The following CLEC16A variants were observed in gnomAD, a reference collection of about 807,000 sequenced individuals.
CLEC16A encodes C-type lectin domain containing 16A, also known as protein CLEC16A.
CLEC16A carries 51 observed loss-of-function variants against 109.5 expected under a neutral mutation model. The ratio of observed to expected loss-of-function variants is 0.47; its 90% CI spans 0.37 to 0.59. The LOEUF (loss-of-function observed/expected upper bound fraction) is 0.59, where lower values mean the gene tolerates loss of function less well. Among genes scored for constraint, CLEC16A ranks in the 20% least tolerant of loss-of-function variants. The pLI, the probability that CLEC16A is intolerant of heterozygous loss-of-function variation, is 0.00. For missense variants in CLEC16A, 1,339 were observed against 1,394.0 expected (o/e 0.96, Z 0.63); for synonymous variants, 673 against 564.2 (o/e 1.19, Z -2.73).
chr16:10,996,696 G>A (rs2044350068), intron 10 of CLEC16A, among the ~76,000 whole-genome samples: 1 of 152,068 alleles, frequency 6.6e-6, no homozygotes, highest in African/African-American at 2.4e-5. Flanking sequence ...TGGGCCATGT[G>A]GCAATAAATG....
In CLEC16A at chr16:11,180,351, G is replaced by C. The variant is rs201098291; in HGVS notation, c.*1661G>C. The C allele has an allele frequency of 3.9e-5, 6 of 152,310 alleles. 1 individual carries two copies. The East Asian group carries it at 1.2e-3, about 29-fold the overall frequency. 9.4% of individuals were successfully genotyped at this position (152,310 alleles called of 1,614,324 possible). On this transcript the variant is annotated 3_prime_UTR_variant, in exon 24 of 24. Coordinates refer to ENST00000409790, the MANE Select transcript of CLEC16A (RefSeq NM_015226.3). ...TGCCCACCCAGCCTTCATGGCTGCAGGTACAAGGACCTTTGCTTCCATAGA... is the reference window on the plus strand; with the variant it reads ...TGCCCACCCAGCCTTCATGGCTGCACGTACAAGGACCTTTGCTTCCATAGA...
intron 11 of CLEC16A, among the ~76,000 whole-genome samples, chr16:11,012,969 A>G (rs1218059308): frequency 6.6e-6 from 1 of 152,056 alleles, no homozygotes; most frequent in African/African-American, 2.4e-5. Flanking sequence ...GCCAGGTGGG[A>G]GCCAACTCTG....
intron 21 of CLEC16A, among the ~76,000 whole-genome samples, chr16:11,124,588 A>T (rs140333022): frequency 6.6e-6 from 1 of 152,244 alleles, no homozygotes; most frequent in Non-Finnish European, 1.5e-5. Flanking sequence ...AGTCACAGAA[A>T]TGAGGGAGAT....
Position 10,973,120 on chromosome 16 carries a change from G to C in CLEC16A, c.728+59G>C. ...GACAGGGTGGTTAGGGGAGAATTCTGTTTTCATCAAGGAAAAATAAACACA... is the reference window on the plus strand; with the variant it reads ...GACAGGGTGGTTAGGGGAGAATTCTCTTTTCATCAAGGAAAAATAAACACA... On this transcript the variant is annotated intron_variant, in intron 7 of 23. Transcript: ENST00000409790. The C allele has an allele frequency of 2.0e-6, 3 of 1,525,584 alleles. 1 individual carries two copies. 94.5% of individuals were successfully genotyped at this position (1,525,584 alleles called of 1,614,324 possible). A position where few individuals can be genotyped will look rare whatever the true frequency, so the allele number is the denominator to read the frequency against.
chr16:11,177,380 C>T (rs1474682033), intron 23 of CLEC16A, among the ~76,000 whole-genome samples: 1 of 152,218 alleles, frequency 6.6e-6, no homozygotes, highest in East Asian at 1.9e-4. Flanking sequence ...GCGGGCGGAT[C>T]ACTTGAGGTC....
chr16:11,156,928 C>CCT (rs951653958), intron 22 of CLEC16A: 2 of 225,920 alleles, frequency 8.9e-6, no homozygotes, highest in African/African-American at 5.2e-5. Flanking sequence ...CCCCCCCCCC[C>CCT]ACCCACCCCC....
In CLEC16A at chr16:11,003,285, A is replaced by G; in HGVS notation, c.1283A>G (p.Lys428Arg). ...ACAGAGGGTGGTTCAAAAGGCATCA[A>G]GACGAGTGGGGAGAGTGAAGGTGAG... is the stretch of plus-strand genomic sequence containing the variant. ...KGTEGGSKGI[K>R]TSGESEEIEM... Residue 428 changes from lysine to arginine, a missense_variant, in exon 11 of 24, where the codon AAG (lysine) becomes AGG (arginine). By Grantham distance (26) the Lys-to-Arg change is conservative. Coordinates refer to ENST00000409790, the MANE Select transcript of CLEC16A (RefSeq NM_015226.3). The G allele has an allele frequency of 6.2e-7, 1 of 1,612,230 alleles. No individual in the cohort carries two copies. The highest frequency in any genetic ancestry group is 8.5e-7 in the Non-Finnish European group (1 of 1,179,736).
Position 11,003,325 on chromosome 16 carries a change from C to T in CLEC16A, c.1303+20C>T, listed in dbSNP as rs1329446708. The T allele has an allele frequency of 6.3e-7, 1 of 1,594,112 alleles. No individual in the cohort carries two copies. The highest frequency in any genetic ancestry group is 8.6e-7 in the Non-Finnish European group (1 of 1,166,240). On this transcript the variant is annotated intron_variant, in intron 11 of 23. Transcript: ENST00000409790. ...GTGAAGGTGAGTGTCCCCATGAACG[C>T]CGCCCTGTGCCTGCGCCGCCAGCCA...
intron 11 of CLEC16A, among the ~76,000 whole-genome samples, chr16:11,008,601 C>T (rs2045189694): frequency 6.6e-6 from 1 of 152,082 alleles, no homozygotes. Flanking sequence ...GTGGCCTTCC[C>T]TGCTCCCTTT....
At chr16:11,128,561 G>A (rs905333974) in intron 22 of CLEC16A, among the ~76,000 whole-genome samples, 4 of 152,210 alleles carry the variant, frequency 2.6e-5, no homozygotes, top group African/African-American at 4.8e-5. Context: ...TGAGGAGTGA[G>A]ATGGAGACAT....
intron 11 of CLEC16A, among the ~76,000 whole-genome samples, chr16:11,015,854 C>G (rs897567906): frequency 1.3e-5 from 2 of 152,180 alleles, no homozygotes; most frequent in Non-Finnish European, 2.9e-5. Flanking sequence ...CAGAGCTGAG[C>G]CTGGGGAAGG....
chr16:11,166,395 C>T lies in CLEC16A; in HGVS notation c.2649C>T (p.Ala883=), dbSNP rs1016349208. 24 of 1,599,808 alleles carry T rather than the reference C, an allele frequency of 1.5e-5. No individual in the cohort carries two copies. Among genetic ancestry groups the T allele is most frequent in the South Asian group, 5.5e-5 (5 of 90,582 alleles). The change falls in exon 23 of 24, where the codon GCC becomes GCT. Residue 883 remains alanine, a synonymous_variant. Coordinates refer to ENST00000409790, the MANE Select transcript of CLEC16A (RefSeq NM_015226.3). ...TGGTACTTTGTCTTGCAGGCTTCGC[C>T]GTGGCCCAGTGCATAAACCAGCACA... The part of the protein sequence containing the change: ...FASVDKVPGF[A]VAQCINQHSS...
At chr16:11,106,827 A>G (rs1191791085) in intron 19 of CLEC16A, among the ~76,000 whole-genome samples, 1 of 152,220 alleles carries the variant, frequency 6.6e-6, no homozygotes, top group African/African-American at 2.4e-5. Context: ...AGATGAGACA[A>G]CTGAAGCAAA....
At chr16:11,080,724 C>T (rs2049658721) in intron 19 of CLEC16A, among the ~76,000 whole-genome samples, 1 of 152,100 alleles carries the variant, frequency 6.6e-6, no homozygotes. Context: ...GGCTTATGGC[C>T]CCTCCCTCCA....
At chr16:10,955,286 A>C (rs1188971460) in intron 1 of CLEC16A, among the ~76,000 whole-genome samples, 2 of 152,202 alleles carry the variant, frequency 1.3e-5, no homozygotes, top group Admixed American at 6.5e-5. Flanking sequence ...CCCCTGCCCC[A>C]TTCAGCATTT....
chr16:11,072,523 T>A (rs565988362), intron 19 of CLEC16A, among the ~76,000 whole-genome samples: 1 of 152,284 alleles, frequency 6.6e-6, no homozygotes, highest in African/African-American at 2.4e-5. Flanking sequence ...CAACATTTAA[T>A]AGATGGGGAG....
At chr16:11,065,398 C>A (rs1202335888) in intron 19 of CLEC16A, among the ~76,000 whole-genome samples, 1 of 152,204 alleles carries the variant, frequency 6.6e-6, no homozygotes, top group Non-Finnish European at 1.5e-5. Context: ...ATGTATCTAA[C>A]TTGTATTCTG....
intron 13 of CLEC16A, among the ~76,000 whole-genome samples, chr16:11,037,676 A>G (rs1383800678): frequency 6.6e-6 from 1 of 152,138 alleles, no homozygotes; most frequent in Non-Finnish European, 1.5e-5. Context: ...AGAAGGAGCG[A>G]GCAGCCAGGC....
At chr16:11,001,722 C>A (rs2044680111) in intron 10 of CLEC16A, among the ~76,000 whole-genome samples, 1 of 152,150 alleles carries the variant, frequency 6.6e-6, no homozygotes, top group Non-Finnish European at 1.5e-5. Flanking sequence ...CTCACTGAAG[C>A]CTTGACCTCC....
Sources: gnomAD v4.1 joint callset for allele counts (sites outside exome capture counted in the v4.1 genomes callset) on GRCh38, gnomAD v4.1.1 for gene constraint, MANE v1.5 for transcripts, NCBI Gene and HGNC (gene_info 2026-07-23, HGNC 2026-07-21) for gene names.